Variants in LLGL1 observed in about 807,000 individuals in gnomAD.
LLGL1 encodes the protein LLGL scribble cell polarity complex component 1.
In LLGL1, 58 loss-of-function variants were observed where a neutral mutation model predicts 110.6. That is an observed-to-expected ratio of 0.52 (90% confidence interval 0.42 to 0.65). LLGL1 has a LOEUF of 0.65. LLGL1 is among the 30% of genes least tolerant of loss of function. The pLI is 0.00. For missense variants in LLGL1, 1,229 were observed against 1,462.1 expected (o/e 0.84, Z 2.60); for synonymous variants, 674 against 607.2 (o/e 1.11, Z -1.62).
At chr17:18,236,023 C>G (rs1193850406) in intron 11 of LLGL1, 6 of 190,724 alleles carry the variant, frequency 3.1e-5, no homozygotes, top group Non-Finnish European at 6.6e-5. Context: ...TCAACCACCC[C>G]CACAGTCACA....
Position 18,237,606 on chromosome 17 carries a change from G to T in LLGL1, c.1737G>T (p.Gly579=). ...ACGAGCGGCTGAGCCCACGCACGGGGCCGCTGCCCTGGCCTGCTGGCTTCC... is the reference window on the plus strand; with the variant it reads ...ACGAGCGGCTGAGCCCACGCACGGGTCCGCTGCCCTGGCCTGCTGGCTTCC... ...KGHERLSPRT[G]PLPWPAGFQP... Residue 579 remains glycine (G), a synonymous_variant, in exon 14 of 23, where the codon GGG becomes GGT. Coordinates refer to ENST00000316843, the MANE Select transcript of LLGL1 (RefSeq NM_004140.4). 1 of 1,611,102 alleles carries T rather than the reference G, an allele frequency of 6.2e-7. No individual in the cohort carries two copies. The highest frequency in any genetic ancestry group is 1.1e-5 in the South Asian group (1 of 90,976).
In LLGL1 at chr17:18,242,684, C is replaced by A. The variant is rs1049484222; in HGVS notation, c.3116+56C>A. The stretch of plus-strand genomic sequence containing the variant: ...GCTGCCCTGTCCCCTAGGCCTCCGT[C>A]CCCAGGGCTGCCAGGGGCTCCCCCG... On this transcript the variant is annotated intron_variant, in intron 21 of 22. Coordinates refer to ENST00000316843, the MANE Select transcript of LLGL1 (RefSeq NM_004140.4). The A allele has an allele frequency of 5.7e-6, 9 of 1,569,568 alleles. No individual in the cohort carries two copies. The African/African-American group carries it at 1.1e-4, about 19-fold the overall frequency.
intron 1 of LLGL1, 21 bp downstream of exon 1, chr17:18,225,784 C>A: frequency 2.0e-6 from 1 of 489,580 alleles, no homozygotes; most frequent in South Asian, 7.7e-5. Flanking sequence ...GGCCCGGGCC[C>A]GGGCTCGGGC....
At chr17:18,237,861 C>A in intron 14 of LLGL1, 88 bp downstream of exon 14, 1 of 1,436,138 alleles carries the variant, frequency 7.0e-7, no homozygotes, top group Non-Finnish European at 9.4e-7. Context: ...TTTGGTGTGG[C>A]AAAGGCCACT....
chr17:18,225,636 T>G lies in LLGL1; in HGVS notation c.-47T>G, dbSNP rs1242286907. ...AGGACCCGCGGGGCCGCGCGGCGCATCCTGCGGGCGGCGGCGGCGGGCGAG... is the reference window on the plus strand; with the variant it reads ...AGGACCCGCGGGGCCGCGCGGCGCAGCCTGCGGGCGGCGGCGGCGGGCGAG... On this transcript the variant is annotated 5_prime_UTR_variant, in exon 1 of 23. Transcript: ENST00000316843. 1 of 916,266 alleles carries G rather than the reference T, an allele frequency of 1.1e-6. No individual in the cohort carries two copies. The allele number at this position is 916,266 out of a possible 1,614,324, so 56.8% of individuals were successfully genotyped here.
rs1012951716 is a variant in LLGL1 at position 18,243,945 on chromosome 17, C to A, written c.*39C>A. The A allele has an allele frequency of 6.5e-6, 1 of 152,752 alleles. No homozygotes were observed. The highest frequency in any genetic ancestry group is 1.5e-5 in the Non-Finnish European group (1 of 68,434). The allele number at this position is 152,752 out of a possible 1,614,324, so 9.5% of individuals were successfully genotyped here. On this transcript the variant is annotated 3_prime_UTR_variant, in exon 23 of 23. Coordinates refer to ENST00000316843, the MANE Select transcript of LLGL1 (RefSeq NM_004140.4). Reference sequence around the variant, plus strand: ...TATCCCGACCTCCACCTGCCCTGCTCGGAGCTGGAGTGCTGGATCCCTGGC... The same window carrying A: ...TATCCCGACCTCCACCTGCCCTGCTAGGAGCTGGAGTGCTGGATCCCTGGC...
chr17:18,234,237 ATGCCTGCC>A (rs757942328), intron 6 of LLGL1, 28 bp from the exon 7 acceptor site: 44 of 1,595,978 alleles, frequency 2.8e-5, no homozygotes, highest in Middle Eastern at 1.7e-4. Context: ...ACCATGGCTC[ATGCCTGCC>A]TGCCTGCCTG....
Position 18,244,741 on chromosome 17 carries a change from G to A in LLGL1, c.*835G>A, listed in dbSNP as rs1203653166. On this transcript the variant is annotated 3_prime_UTR_variant, in exon 23 of 23. Coordinates refer to ENST00000316843, the MANE Select transcript of LLGL1 (RefSeq NM_004140.4). ...GTCCGGCGGGGGGGGGGGGCAGGGG[G>A]GGGGGTCAAGATGAGTTTCCCTGTA... 1 of 138,344 alleles carries A rather than the reference G, an allele frequency of 7.2e-6. No homozygotes were observed. The highest frequency in any genetic ancestry group is 2.8e-5 in the African/African-American group (1 of 36,198). The allele number at this position is 138,344 out of a possible 1,614,324, so 8.6% of individuals were successfully genotyped here. A position where few individuals can be genotyped will look rare whatever the true frequency, so the allele number is the denominator to read the frequency against.
At chr17:18,226,530 C>T (rs1452496925) in intron 1 of LLGL1, among the ~76,000 whole-genome samples, 1 of 152,244 alleles carries the variant, frequency 6.6e-6, no homozygotes, top group East Asian at 1.9e-4. Flanking sequence ...GCCCGGGGCT[C>T]CGAGTCCAGG....
chr17:18,225,641 C>A lies in LLGL1; in HGVS notation c.-42C>A. ...CCGCGGGGCCGCGCGGCGCATCCTG[C>A]GGGCGGCGGCGGCGGGCGAGGCGCC... is the stretch of plus-strand genomic sequence containing the variant. On this transcript the variant is annotated 5_prime_UTR_variant, in exon 1 of 23. Coordinates refer to ENST00000316843, the MANE Select transcript of LLGL1 (RefSeq NM_004140.4). 1 of 939,274 alleles carries A rather than the reference C, an allele frequency of 1.1e-6. No homozygotes were observed. The highest frequency in any genetic ancestry group is 1.3e-6 in the Non-Finnish European group (1 of 789,682). 58.2% of individuals were successfully genotyped at this position (939,274 alleles called of 1,614,324 possible).
Position 18,233,865 on chromosome 17 carries a change from C to A in LLGL1, c.480C>A (p.Val160=). The change falls in exon 5 of 23, where the codon GTC becomes GTA. Residue 160 remains valine (V), a synonymous_variant. Coordinates refer to ENST00000316843, the MANE Select transcript of LLGL1 (RefSeq NM_004140.4). ...IAALGTEGSS[V]FFLDVTTLTL... is the part of the protein sequence containing the mutation. The stretch of plus-strand genomic sequence containing the variant: ...CCCTGGGCACTGAGGGCAGCAGTGT[C>A]TTCTTCCTGGATGTTACCACCCTGA... The A allele has an allele frequency of 6.2e-7, 1 of 1,613,876 alleles. No homozygotes were observed. Among genetic ancestry groups the A allele is most frequent in the Non-Finnish European group, 8.5e-7 (1 of 1,180,018 alleles).
At chr17:18,241,810 C>A in intron 18 of LLGL1, 75 bp from the exon 19 acceptor site, 1 of 1,606,118 alleles carries the variant, frequency 6.2e-7, no homozygotes, top group Non-Finnish European at 8.5e-7. Context: ...TCCAGGTGGG[C>A]ACAGGCCCAG....
At position 18,235,256 on chromosome 17, in the gene LLGL1, G is replaced by A. The variant is rs745937164; in HGVS notation, c.1228G>A (p.Ala410Thr). The change falls in exon 10 of 23, where the codon GCC (alanine) becomes ACC (threonine). Residue 410 changes from alanine (A) to threonine (T), a missense_variant. Transcript: ENST00000316843. Reference protein sequence around the residue: ...HVASVPAKLWARIVSAGEQQS... With the variant: ...HVASVPAKLWTRIVSAGEQQS... ...GGCCAGTGTCCCCGCCAAGCTGTGG[G>A]CCCGCATTGTGAGCGCTGGCGAGCA... is the stretch of plus-strand genomic sequence containing the variant. 6.2e-7 allele frequency: 1 copy of A among 1,610,654 alleles called. No individual in the cohort carries two copies. The highest frequency in any genetic ancestry group is 8.5e-7 in the Non-Finnish European group (1 of 1,180,018).
intron 2 of LLGL1, among the ~76,000 whole-genome samples, chr17:18,231,734 C>T (rs1268833239): frequency 6.6e-6 from 1 of 152,152 alleles, no homozygotes; most frequent in African/African-American, 2.4e-5. Context: ...AGTTTTGGCT[C>T]ACTGCAACCT....
At chr17:18,228,304 G>A (rs560262118) in intron 1 of LLGL1, among the ~76,000 whole-genome samples, 5 of 152,326 alleles carry the variant, frequency 3.3e-5, no homozygotes, top group East Asian at 1.9e-4. Context: ...ACTCCTGAGC[G>A]ACAGGAAGTG....
At chr17:18,239,423 G>T (rs1029549751) in intron 16 of LLGL1, among the ~76,000 whole-genome samples, 2 of 152,138 alleles carry the variant, frequency 1.3e-5, no homozygotes, top group Admixed American at 1.3e-4. Flanking sequence ...AAATAGAGAG[G>T]TGCAAAGTTG....
intron 13 of LLGL1, 99 bp from the exon 14 acceptor site, chr17:18,237,382 T>C: frequency 1.7e-6 from 2 of 1,191,766 alleles, no homozygotes; most frequent in Non-Finnish European, 1.2e-6. Flanking sequence ...AGAACCACCT[T>C]GGTGGTGGCT....
At chr17:18,241,391 G>A (rs1288610422) in intron 17 of LLGL1, 60 bp from the exon 18 acceptor site, 1 of 1,555,646 alleles carries the variant, frequency 6.4e-7, no homozygotes, top group African/African-American at 1.3e-5. Flanking sequence ...CCACGAGGGT[G>A]AGGGGCCCTG....
rs144502873 is a variant in LLGL1, at chr17:18,243,091, A to ATTTGTTTTGT, written c.*1+293_*1+302dup. 4.9e-3 allele frequency among the ~76,000 whole-genome samples: 748 copies of ATTTGTTTTGT among 151,316 alleles called. 6 individuals carry two copies. Among genetic ancestry groups the ATTTGTTTTGT allele is most frequent in the African/African-American group, 0.017 (708 of 41,164 alleles). On this transcript the variant is annotated intron_variant, in intron 22 of 22. Coordinates refer to ENST00000316843, the MANE Select transcript of LLGL1 (RefSeq NM_004140.4). ...CAGGTGGTGGTTAGGACAAGACCAG[A>ATTTGTTTTGT]TTTGTTTTGTTTTGTTTTGTTTTGT...
Sources: allele counts gnomAD v4.1 joint callset (sites outside exome capture counted in the v4.1 genomes callset), GRCh38; gene constraint gnomAD v4.1.1; transcripts MANE v1.5; gene names NCBI Gene and HGNC (gene_info 2026-07-23, HGNC 2026-07-21).